The following PSMD3 variants were observed in gnomAD, a reference collection of about 807,000 sequenced individuals.
PSMD3 encodes the protein proteasome 26S subunit, non-ATPase 3, also known as 26S proteasome non-ATPase regulatory subunit 3.
Under a neutral mutation model 62.8 loss-of-function variants are expected in PSMD3, and 5 were observed. The observed-to-expected ratio is 0.08, with a 90% CI of 0.04 to 0.17. PSMD3 has a LOEUF of 0.17. Ranked by LOEUF, PSMD3 falls within the 10% of genes least tolerant of loss-of-function variation. PSMD3 has a pLI of 1.00. For missense variants in PSMD3, 524 were observed against 713.6 expected, an observed-to-expected ratio of 0.73 and a Z score of 3.03; for synonymous variants, 265 against 283.9, an observed-to-expected ratio of 0.93 and a Z score of 0.67.
At chr17:39,985,147 G>T (rs1176456891) in intron 2 of PSMD3, among the ~76,000 whole-genome samples, 2 of 152,132 alleles carry the variant, frequency 1.3e-5, no homozygotes, top group Admixed American at 6.5e-5. Context: ...AGGATCACTT[G>T]AATGCAGGAG....
At position 39,981,204 on chromosome 17, in the gene PSMD3, G is replaced by C. The variant is rs1277188602; in HGVS notation, c.220+14G>C. 3.2e-6 allele frequency: 5 copies of C among 1,549,572 alleles called. No individual in the cohort carries two copies. The highest frequency in any genetic ancestry group is 4.4e-6 in the Non-Finnish European group (5 of 1,146,578). ...TCACCTTGGAGGGTACGGCAGCCCA[G>C]GCCGGGAACGTGCCGCGATCGCGGG... On this transcript the variant is annotated intron_variant, in intron 1 of 11. Coordinates refer to ENST00000264639, the MANE Select transcript of PSMD3 (RefSeq NM_002809.4).
chr17:39,981,229 G>T (rs1159133551), intron 1 of PSMD3, 39 bp downstream of exon 1: 15 of 1,547,636 alleles, frequency 9.7e-6, no homozygotes, highest in Non-Finnish European at 1.3e-5. Flanking sequence ...GCGATCGCGG[G>T]TGACAGCGAC....
chr17:39,995,759 TGTGA>T lies in PSMD3; in HGVS notation c.1320+236_1320+239del, dbSNP rs899161862. The T allele has an allele frequency of 3.4e-5, 19 of 561,416 alleles. No homozygotes were observed. The highest frequency in any genetic ancestry group is 3.2e-4 in the African/African-American group (17 of 53,078). The allele number at this position is 561,416 out of a possible 1,614,324, so 34.8% of individuals were successfully genotyped here. On this transcript the variant is annotated intron_variant, in intron 9 of 11. Coordinates refer to ENST00000264639, the MANE Select transcript of PSMD3 (RefSeq NM_002809.4). The surrounding 1 kb of genome is among the most constrained non-coding windows in gnomAD (Gnocchi z 4.1). ...CACATGTTGAGTTTATGATAGTGCC[TGTGA>T]GTGTGAGAATATAAGGAGGGCAGAG...
chr17:39,984,022 A>G (rs1980456022), intron 1 of PSMD3, among the ~76,000 whole-genome samples: 1 of 151,828 alleles, frequency 6.6e-6, no homozygotes, highest in Admixed American at 6.6e-5. Flanking sequence ...ACACGGTGAA[A>G]CCCCGTCTCT....
chr17:39,993,234 T>C (rs1439938604), intron 6 of PSMD3: 3 of 152,170 alleles, frequency 2.0e-5, no homozygotes, highest in Non-Finnish European at 4.4e-5. Flanking sequence ...ACAATAGTCA[T>C]GTAGGATTAG....
rs750462524 is a variant in PSMD3, at chr17:39,995,275, G to A, written c.1196G>A (p.Arg399Gln). The change falls in exon 8 of 12, where the codon CGG (arginine) becomes CAG (glutamine). Residue 399 changes from arginine (R) to glutamine (Q), a missense_variant. Physicochemically the swap from Arg to Gln is conservative, Grantham distance 43 (BLOSUM62 1). This residue lies in a region of PSMD3 where 32 missense variants were observed against 85.4 expected (regional missense o/e 0.37). Transcript: ENST00000264639. The surrounding 1 kb of genome is among the most constrained non-coding windows in gnomAD (Gnocchi z 4.1). The stretch of plus-strand genomic sequence containing the variant: ...ACCTACACCCTAATTATCCGGCTGC[G>A]GCACAACGTGATTAAGACAGGTGTG... ...DGTYTLIIRL[R>Q]HNVIKTGVRM... 6.2e-7 allele frequency: 1 copy of A among 1,614,140 alleles called. No individual in the cohort carries two copies. The highest frequency in any genetic ancestry group is 8.5e-7 in the Non-Finnish European group (1 of 1,180,030).
chr17:39,994,416 G>A (rs1301230542), intron 6 of PSMD3: 2 of 162,024 alleles, frequency 1.2e-5, no homozygotes, highest in Non-Finnish European at 2.7e-5. Flanking sequence ...GAGGAAGACA[G>A]GTCCAGGTTT....
intron 6 of PSMD3, among the ~76,000 whole-genome samples, chr17:39,991,649 AT>A (rs1980657197): frequency 6.6e-6 from 1 of 152,156 alleles, no homozygotes; most frequent in South Asian, 2.1e-4. Context: ...ACGTGTGTTG[AT>A]TAGGTCAATG....
rs1308190973 is a variant in PSMD3, at chr17:39,996,920, C to T, written c.1477-410C>T. The T allele has an allele frequency of 2.5e-6, 1 of 398,064 alleles. No homozygotes were observed. Among genetic ancestry groups the T allele is most frequent in the Non-Finnish European group, 4.9e-6 (1 of 205,636 alleles). 24.7% of individuals were successfully genotyped at this position (398,064 alleles called of 1,614,324 possible). A position where few individuals can be genotyped will look rare whatever the true frequency, so the allele number is the denominator to read the frequency against. ...TTGCTTAAAATCTGGCTAAGCCCTA[C>T]TCCACGTGACATGCAAGGCCCTTTG... On this transcript the variant is annotated intron_variant, in intron 10 of 11. Transcript: ENST00000264639. This position sits in a 1 kb window ranked among gnomAD's most constrained non-coding sequence, Gnocchi z 5.1.
intron 6 of PSMD3, chr17:39,994,693 C>T (rs4795413): frequency 0.058 from 29,338 of 503,702 alleles, 1,094 homozygotes; most frequent in Non-Finnish European, 0.075. Context: ...AGACTACGCG[C>T]GGGGTGGCCA....
intron 6 of PSMD3, 32 bp downstream of exon 6, chr17:39,990,229 CTTTTTTT>C: frequency 2.6e-6 from 3 of 1,156,198 alleles, no homozygotes; most frequent in Non-Finnish European, 3.5e-6. Flanking sequence ...CCCTTTGCCT[CTTTTTTT>C]TTTTTTTTTT....
At position 39,995,303 on chromosome 17, in the gene PSMD3, T is replaced by C. The variant is rs1468299519; in HGVS notation, c.1216+8T>C. The C allele has an allele frequency of 6.2e-7, 1 of 1,614,116 alleles. No individual in the cohort carries two copies. The highest frequency in any genetic ancestry group is 2.2e-5 in the East Asian group (1 of 44,876). Reference sequence around the variant, plus strand: ...ACAACGTGATTAAGACAGGTGTGGATCAGGATCTGAGGGGCTGTTGGAGGA... The same window carrying C: ...ACAACGTGATTAAGACAGGTGTGGACCAGGATCTGAGGGGCTGTTGGAGGA... On this transcript the variant is annotated splice_region_variant and intron_variant, in intron 8 of 11. Coordinates refer to ENST00000264639, the MANE Select transcript of PSMD3 (RefSeq NM_002809.4). The surrounding 1 kb of genome is among the most constrained non-coding windows in gnomAD (Gnocchi z 4.1).
At position 39,996,113 on chromosome 17, in the gene PSMD3, T is replaced by TC; in HGVS notation, c.1321-68dup. The TC allele has an allele frequency of 6.4e-7, 1 of 1,556,948 alleles. No individual in the cohort carries two copies. The highest frequency in any genetic ancestry group is 1.1e-5 in the South Asian group (1 of 89,200). ...TCCTGCCTGGGTGACAGAGCGAGAC[T>TC]CCATCTCAAAAAAAAAAAAAAAGAA... On this transcript the variant is annotated intron_variant, in intron 9 of 11. Coordinates refer to ENST00000264639, the MANE Select transcript of PSMD3 (RefSeq NM_002809.4). This position sits in a 1 kb window ranked among gnomAD's most constrained non-coding sequence, Gnocchi z 5.1.
chr17:39,988,169 C>T (rs990037854), intron 3 of PSMD3, among the ~76,000 whole-genome samples: 2 of 152,194 alleles, frequency 1.3e-5, no homozygotes, highest in African/African-American at 4.8e-5. Flanking sequence ...TGTATATCCA[C>T]CCCTAATTCC....
intron 3 of PSMD3, among the ~76,000 whole-genome samples, chr17:39,987,521 A>AT (rs1217515211): frequency 6.6e-6 from 1 of 151,678 alleles, no homozygotes; most frequent in Non-Finnish European, 1.5e-5. Context: ...TAATCTTTGC[A>AT]TTTTTTTTGT....
chr17:39,995,861 G>A lies in PSMD3; in HGVS notation c.1321-322G>A. ...GGGCCAGGCGCAGTGGCTCATGCCT[G>A]TAATCCCAGCACTTTGGGAGGCTGA... On this transcript the variant is annotated intron_variant, in intron 9 of 11. Coordinates refer to ENST00000264639, the MANE Select transcript of PSMD3 (RefSeq NM_002809.4). The surrounding 1 kb of genome is among the most constrained non-coding windows in gnomAD (Gnocchi z 4.1). 4.2e-6 allele frequency: 2 copies of A among 479,168 alleles called. No individual in the cohort carries two copies. Among genetic ancestry groups the A allele is most frequent in the East Asian group, 4.2e-5 (1 of 23,968 alleles). The allele number at this position is 479,168 out of a possible 1,614,324, so 29.7% of individuals were successfully genotyped here.
chr17:39,986,616 G>A lies in PSMD3; in HGVS notation c.453G>A (p.Thr151=), dbSNP rs113755444. The A allele has an allele frequency of 3.7e-3, 5,967 of 1,614,108 alleles. 15 individuals are homozygous for A. Among genetic ancestry groups the A allele is most frequent in the Non-Finnish European group, 4.6e-3 (5,376 of 1,180,020 alleles). Residue 151 remains threonine, a synonymous_variant, in exon 3 of 12, where the codon ACG becomes ACA. Transcript: ENST00000264639. ...CTGATTTACAGTTCCGTCCCCGCAC[G>A]GGAAAAGCTGCGTCGACACCCCTCC... ...TEADLQFRPR[T]GKAASTPLLP... is the part of the protein sequence containing the mutation.
Position 39,984,425 on chromosome 17 carries a change from C to A in PSMD3, c.352C>A (p.Gln118Lys), listed in dbSNP as rs1980472721. ...CCACTATGTTCTGTATAAGGCTGTG[C>A]AGGGCTTCTTCACTTCAAATAATGC... Reference protein sequence around the residue: ...LNHYVLYKAVQGFFTSNNATR... With the variant: ...LNHYVLYKAVKGFFTSNNATR... Residue 118 changes from glutamine to lysine, a missense_variant, in exon 2 of 12, where the codon CAG becomes AAG. By Grantham distance (53) the Gln-to-Lys change is moderately conservative. Around this residue, in one of 4 missense-constraint regions of PSMD3, gnomAD observed 396 missense variants for 475.8 expected, o/e 0.83. Transcript: ENST00000264639. 1.2e-6 allele frequency: 2 copies of A among 1,613,544 alleles called. No homozygotes were observed. The highest frequency in any genetic ancestry group is 1.7e-6 in the Non-Finnish European group (2 of 1,179,920).
chr17:39,997,718 A>T lies in PSMD3; in HGVS notation c.*137A>T. Reference sequence around the variant, plus strand: ...TCGTGCAGGGGGTGGGGGTGCTGGGAGCCAGCCACCCTGACCTCCCCCAGG... The same window carrying T: ...TCGTGCAGGGGGTGGGGGTGCTGGGTGCCAGCCACCCTGACCTCCCCCAGG... On this transcript the variant is annotated 3_prime_UTR_variant, in exon 12 of 12. Transcript: ENST00000264639. The T allele has an allele frequency of 9.6e-7, 1 of 1,040,136 alleles. No homozygotes were observed. The highest frequency in any genetic ancestry group is 2.1e-5 in the Admixed American group (1 of 47,414). 64.4% of individuals were successfully genotyped at this position (1,040,136 alleles called of 1,614,324 possible).
Sources: allele counts gnomAD v4.1 joint callset (sites outside exome capture counted in the v4.1 genomes callset), GRCh38; gene constraint gnomAD v4.1.1; regional missense constraint gnomAD v4.1.1; non-coding constraint Gnocchi (gnomAD v3.1); transcripts MANE v1.5; gene names NCBI Gene and HGNC (gene_info 2026-07-23, HGNC 2026-07-21).